Variants in XRCC5 observed in about 807,000 individuals in gnomAD.
The protein encoded by XRCC5 is X-ray repair cross complementing 5.
XRCC5 carries 12 observed loss-of-function variants against 95.7 expected under a neutral mutation model. The observed-to-expected ratio is 0.13, with a 90% confidence interval of 0.08 to 0.20. The LOEUF (loss-of-function observed/expected upper bound fraction) is 0.20. Among genes scored for constraint, XRCC5 ranks in the 10% least tolerant of loss-of-function variants. The pLI is 1.00. For synonymous variants in XRCC5, 281 were observed against 290.3 expected (o/e 0.97, Z 0.33); for missense variants, 595 against 873.9 (o/e 0.68, Z 4.02).
chr2:216,143,175 G>A lies in XRCC5; in HGVS notation c.1476+1856G>A, dbSNP rs114936451. 6.5e-3 allele frequency among the ~76,000 whole-genome samples: 987 copies of A among 152,308 alleles called. 14 individuals carry two copies. The highest frequency in any genetic ancestry group is 0.022 in the African/African-American group (925 of 41,572). On this transcript the variant is annotated intron_variant, in intron 13 of 20. Transcript: ENST00000392132. ...AGTGTCCTACTGAGTTCTACTGAAT[G>A]AGTATCGCTTTCACACTGTTGTAAA...
At chr2:216,123,910 CTA>C (rs2106005138) in intron 6 of XRCC5, among the ~76,000 whole-genome samples, 1 of 152,328 alleles carries the variant, frequency 6.6e-6, no homozygotes, top group African/African-American at 2.4e-5. Flanking sequence ...AAATTACTGA[CTA>C]TGCATTGTTT....
intron 18 of XRCC5, among the ~76,000 whole-genome samples, chr2:216,193,031 G>GCAGCTGT (rs1689647502): frequency 6.6e-6 from 1 of 152,156 alleles, no homozygotes; most frequent in Non-Finnish European, 1.5e-5. Context: ...GTTGAATGGA[G>GCAGCTGT]CAGCTGTGTG....
chr2:216,188,493 T>G (rs893733621), intron 16 of XRCC5, among the ~76,000 whole-genome samples: 2 of 152,240 alleles, frequency 1.3e-5, no homozygotes, highest in African/African-American at 4.8e-5. Context: ...ACATTTATAT[T>G]ATAGCTTCCT....
intron 18 of XRCC5, among the ~76,000 whole-genome samples, chr2:216,194,132 A>G (rs1019790319): frequency 1.3e-5 from 2 of 152,186 alleles, no homozygotes; most frequent in African/African-American, 2.4e-5. Context: ...TTATTTATTG[A>G]GCTTCTGCTA....
intron 13 of XRCC5, among the ~76,000 whole-genome samples, chr2:216,142,951 C>A (rs1218769347): frequency 6.6e-6 from 1 of 152,234 alleles, no homozygotes; most frequent in East Asian, 1.9e-4. Context: ...ATAAACCCAT[C>A]TAAGTTGAGA....
At chr2:216,146,109 T>C (rs1216820930) in intron 13 of XRCC5, among the ~76,000 whole-genome samples, 1 of 152,210 alleles carries the variant, frequency 6.6e-6, no homozygotes, top group Non-Finnish European at 1.5e-5. Flanking sequence ...CTGATGTTAC[T>C]GATGCTCAAG....
At chr2:216,152,937 C>G (rs1399951239) in intron 14 of XRCC5, among the ~76,000 whole-genome samples, 3 of 152,122 alleles carry the variant, frequency 2.0e-5, no homozygotes, top group Admixed American at 6.5e-5. Flanking sequence ...TTTAGCTTCT[C>G]CCTCGCTACC....
intron 16 of XRCC5, among the ~76,000 whole-genome samples, chr2:216,184,455 C>T (rs78351387): frequency 0.029 from 4,466 of 152,174 alleles, 215 homozygotes; most frequent in African/African-American, 0.1. Flanking sequence ...TTTAGCTTCC[C>T]TTATAATTTA....
At chr2:216,111,684 C>T (rs1019562550) in intron 1 of XRCC5, among the ~76,000 whole-genome samples, 6 of 152,050 alleles carry the variant, frequency 3.9e-5, no homozygotes, top group African/African-American at 1.4e-4. Flanking sequence ...ATTAATTTTC[C>T]TGGTAAGATG....
chr2:216,190,176 C>T, intron 16 of XRCC5, 49 bp from the exon 17 acceptor site: 1 of 1,514,236 alleles, frequency 6.6e-7, no homozygotes, highest in Non-Finnish European at 9.1e-7. Flanking sequence ...AGCATACCCT[C>T]TCTCAGGCAT....
intron 14 of XRCC5, among the ~76,000 whole-genome samples, chr2:216,158,178 A>C (rs1439067653): frequency 6.6e-6 from 1 of 152,214 alleles, no homozygotes; most frequent in Non-Finnish European, 1.5e-5. Context: ...TTTTATGTGT[A>C]ATCCTTCTTA....
rs1696918638 is a variant in XRCC5, at chr2:216,127,589, A to G, written c.852A>G (p.Leu284=). ...GGACAGTTGTGGATGCAAAAACCCT[A>G]AAAAAAGAAGATATACAAAAAGAAA... ...KTWTVVDAKT[L]KKEDIQKETV... The change falls in exon 8 of 21, where the codon CTA becomes CTG. Residue 284 remains leucine, a synonymous_variant. Coordinates refer to ENST00000392132, the MANE Select transcript of XRCC5 (RefSeq NM_021141.4). 1.2e-6 allele frequency: 2 copies of G among 1,611,842 alleles called. No individual in the cohort carries two copies. The highest frequency in any genetic ancestry group is 3.4e-5 in the Admixed American group (2 of 59,526).
Position 216,117,918 on chromosome 2 carries a change from A to G in XRCC5, c.368+124A>G, listed in dbSNP as rs1223802710. On this transcript the variant is annotated intron_variant, in intron 4 of 20. Coordinates refer to ENST00000392132, the MANE Select transcript of XRCC5 (RefSeq NM_021141.4). The stretch of plus-strand genomic sequence containing the variant: ...TGCATGTTTGTGTGACAAGAGAAAC[A>G]TTTTATAGAATTGAATGGTTCAGTC... 42 of 1,008,578 alleles carry G rather than the reference A, an allele frequency of 4.2e-5. 1 individual carries two copies. In the South Asian group the frequency reaches 5.9e-4, roughly 14 times the overall value. The allele number at this position is 1,008,578 out of a possible 1,614,324, so 62.5% of individuals were successfully genotyped here.
chr2:216,203,187 G>A (rs977858964), intron 19 of XRCC5, among the ~76,000 whole-genome samples: 4 of 152,056 alleles, frequency 2.6e-5, no homozygotes, highest in South Asian at 2.1e-4. Flanking sequence ...CTCTCACCGC[G>A]TGCCTGCTCC....
intron 2 of XRCC5, among the ~76,000 whole-genome samples, chr2:216,114,492 G>A (rs1268258064): frequency 6.6e-6 from 1 of 152,084 alleles, no homozygotes; most frequent in Non-Finnish European, 1.5e-5. Flanking sequence ...GAGAAGGTAA[G>A]TAGACATGAG....
rs140171958 is a variant in XRCC5 at position 216,187,466 on chromosome 2, CTGTGTGTGTGTGTGTGTG to C, written c.1835-2721_1835-2704del. 1.0e-2 allele frequency among the ~76,000 whole-genome samples: 1,112 copies of C among 111,374 alleles called. 6 individuals carry two copies. Among genetic ancestry groups the C allele is most frequent in the Non-Finnish European group, 0.015 (821 of 54,204 alleles). 73.1% of individuals were successfully genotyped at this position (111,374 alleles called of 152,430 possible). On this transcript the variant is annotated intron_variant, in intron 16 of 20. Coordinates refer to ENST00000392132, the MANE Select transcript of XRCC5 (RefSeq NM_021141.4). ...AATATTTTTCTCTGTAAGATAGCAA[CTGTGTGTGTGTGTGTGTG>C]TGTGTGTGTGTGTGTGTGTGTGTGT...
Position 216,134,602 on chromosome 2 carries a change from A to AT in XRCC5, c.1113+2221dup, listed in dbSNP as rs572438324. Among the ~76,000 whole-genome samples the AT allele has an allele frequency of 1.1e-4, 16 of 149,874 alleles. No homozygotes were observed. In the South Asian group the frequency reaches 3.2e-3, roughly 30 times the overall value. On this transcript the variant is annotated intron_variant, in intron 10 of 20. Transcript: ENST00000392132. ...GCCACAACGCCCGGCTAATTTTTGTATTTTTTGTAGAGAAGGGGGTTTCAC... is the reference window on the plus strand; with the variant it reads ...GCCACAACGCCCGGCTAATTTTTGTATTTTTTTGTAGAGAAGGGGGTTTCAC...
At position 216,133,494 on chromosome 2, in the gene XRCC5, T is replaced by C. The variant is rs1697025672; in HGVS notation, c.1113+1107T>C. ...CCTTGCTTCTGCTGAAGTTTTAACTTCCACTTACTGTCTCTTTATGCAAAG... is the reference window on the plus strand; with the variant it reads ...CCTTGCTTCTGCTGAAGTTTTAACTCCCACTTACTGTCTCTTTATGCAAAG... On this transcript the variant is annotated intron_variant, in intron 10 of 20. Transcript: ENST00000392132. Among the ~76,000 whole-genome samples, 3 of 152,246 alleles carry C rather than the reference T, an allele frequency of 2.0e-5. No individual in the cohort carries two copies. The South Asian group carries it at 6.2e-4, about 31-fold the overall frequency.
chr2:216,145,815 C>T (rs1289731664), intron 13 of XRCC5, among the ~76,000 whole-genome samples: 1 of 152,122 alleles, frequency 6.6e-6, no homozygotes, highest in Non-Finnish European at 1.5e-5. Context: ...GGATACTTGT[C>T]CATTGGTTGT....
Sources: allele counts gnomAD v4.1 joint callset (sites outside exome capture counted in the v4.1 genomes callset), GRCh38; gene constraint gnomAD v4.1.1; transcripts MANE v1.5; gene names NCBI Gene and HGNC (gene_info 2026-07-23, HGNC 2026-07-21).